ATL2: variants seen among roughly 807,000 people sequenced by gnomAD.
ATL2 encodes the protein atlastin-2.
ATL2 carries 31 observed loss-of-function variants against 73.9 expected under a neutral mutation model. The observed-to-expected ratio is 0.42, with a 90% CI of 0.32 to 0.57. ATL2 has a LOEUF of 0.57. Ranked by LOEUF, ATL2 falls within the 20% of genes least tolerant of loss-of-function variation. The pLI, the probability that ATL2 is intolerant of heterozygous loss-of-function variation, is 0.14. For missense variants in ATL2, 738 were observed against 702.6 expected, an observed-to-expected ratio of 1.05 and a Z score of -0.57; for synonymous variants, 291 against 237.5, an observed-to-expected ratio of 1.23 and a Z score of -2.07.
At chr2:38,308,759 A>C (rs927990791) in intron 9 of ATL2, among the ~76,000 whole-genome samples, 1 of 152,164 alleles carries the variant, frequency 6.6e-6, no homozygotes, top group East Asian at 1.9e-4. Flanking sequence ...TTAAAAATTA[A>C]AAGTAAAAAT....
chr2:38,325,645 C>T (rs1668565963), intron 2 of ATL2, among the ~76,000 whole-genome samples: 1 of 80,542 alleles, frequency 1.2e-5, no homozygotes, highest in Admixed American at 1.1e-4. Context: ...CACACACACA[C>T]ACACACACAC....
chr2:38,295,437 A>G lies in ATL2; in HGVS notation c.*557T>C, dbSNP rs1363777017. The G allele has an allele frequency of 2.6e-5, 4 of 152,268 alleles. No homozygotes were observed. The highest frequency in any genetic ancestry group is 9.6e-5 in the African/African-American group (4 of 41,476). 9.4% of individuals were successfully genotyped at this position (152,268 alleles called of 1,614,324 possible). The stretch of plus-strand genomic sequence containing the variant: ...AAAAGGCAAGACAAATGTACACCTC[A>G]GAATTACTTTCTTAGCTACAAGAGT... On this transcript the variant is annotated 3_prime_UTR_variant, in exon 13 of 13. Coordinates refer to ENST00000378954, the MANE Select transcript of ATL2 (RefSeq NM_001135673.4).
At chr2:38,355,956 C>T (rs1041655815) in intron 1 of ATL2, among the ~76,000 whole-genome samples, 7 of 151,904 alleles carry the variant, frequency 4.6e-5, no homozygotes, top group Non-Finnish European at 1.0e-4. Flanking sequence ...CTCGCCCTCC[C>T]AAAGTGCTGG....
Position 38,298,575 on chromosome 2 carries a change from C to G in ATL2, c.1201G>C (p.Val401Leu). The G allele has an allele frequency of 2.5e-6, 4 of 1,609,866 alleles. No individual in the cohort carries two copies. Among genetic ancestry groups the G allele is most frequent in the Non-Finnish European group, 2.5e-6 (3 of 1,177,810 alleles). Residue 401 changes from valine (V) to leucine (L), a missense_variant and splice_region_variant, in exon 12 of 13, where the codon GTA becomes CTA. Coordinates refer to ENST00000378954, the MANE Select transcript of ATL2 (RefSeq NM_001135673.4). ...RDTYCKSMEQVCGGDKPYIAP... is the reference protein window; with the variant it reads ...RDTYCKSMEQLCGGDKPYIAP... ...ATGTAAGGCTTGTCCCCTCCACATACCTGGACAGACAGAATTACAGTATTA... is the reference window on the plus strand; with the variant it reads ...ATGTAAGGCTTGTCCCCTCCACATAGCTGGACAGACAGAATTACAGTATTA...
chr2:38,331,028 C>A (rs753549984), intron 2 of ATL2, among the ~76,000 whole-genome samples: 1 of 152,124 alleles, frequency 6.6e-6, no homozygotes, highest in Admixed American at 6.6e-5. Context: ...CATGGCCGGG[C>A]GTGGTGGCTC....
In ATL2 at chr2:38,326,266, G is replaced by C. The variant is rs71439204; in HGVS notation, c.364-7247C>G. On this transcript the variant is annotated intron_variant, in intron 2 of 12. Coordinates refer to ENST00000378954, the MANE Select transcript of ATL2 (RefSeq NM_001135673.4). ...CCCAAAGACAGTGAGAGAATAAGGA[G>C]AAACTGAAGCCTCTAGGACCTGCAG... Among the ~76,000 whole-genome samples, 408 of 152,226 alleles carry C rather than the reference G, an allele frequency of 2.7e-3. 2 individuals are homozygous for C. The highest frequency in any genetic ancestry group is 4.5e-3 in the Non-Finnish European group (308 of 68,018).
intron 2 of ATL2, among the ~76,000 whole-genome samples, chr2:38,325,699 TACACACACACACACACACACAC>T (rs1221635411): frequency 2.2e-3 from 25 of 11,316 alleles, no homozygotes; most frequent in Non-Finnish European, 3.3e-3. Context: ...CACACACCAG[TACACACACACACACACACACAC>T]ACACACACAC....
chr2:38,363,934 C>CT (rs1671156710), intron 1 of ATL2, among the ~76,000 whole-genome samples: 2 of 152,174 alleles, frequency 1.3e-5, no homozygotes, highest in Non-Finnish European at 2.9e-5. Context: ...GGCTGCACCT[C>CT]TTAAGCCCTG....
chr2:38,317,802 T>TAA (rs5830529), intron 4 of ATL2, among the ~76,000 whole-genome samples: 23 of 150,036 alleles, frequency 1.5e-4, no homozygotes, highest in African/African-American at 2.7e-4. Flanking sequence ...TCTTTTCCTT[T>TAA]AAAAAAAAAA....
chr2:38,336,015 CTAAATACA>C (rs932608838), intron 2 of ATL2, among the ~76,000 whole-genome samples: 6 of 152,132 alleles, frequency 3.9e-5, no homozygotes, highest in East Asian at 1.9e-4. Flanking sequence ...GACTCTGTCT[CTAAATACA>C]TAAATACATA....
chr2:38,321,313 C>A (rs1036734885), intron 2 of ATL2, among the ~76,000 whole-genome samples: 1 of 152,140 alleles, frequency 6.6e-6, no homozygotes, highest in Non-Finnish European at 1.5e-5. Flanking sequence ...CAATTACAAA[C>A]TTCTCTTGGA....
intron 11 of ATL2, 26 bp downstream of exon 11, chr2:38,299,230 A>G (rs374191627): frequency 7.4e-6 from 11 of 1,492,938 alleles, no homozygotes; most frequent in Non-Finnish European, 9.7e-6. Flanking sequence ...TCACTCCAGC[A>G]TCAAATTTAA....
chr2:38,330,653 T>C (rs548325831), intron 2 of ATL2, among the ~76,000 whole-genome samples: 9 of 152,316 alleles, frequency 5.9e-5, no homozygotes, highest in Middle Eastern at 3.4e-3. Flanking sequence ...ATTCCATTCA[T>C]AGTAACATCA....
chr2:38,345,406 A>T (rs1338673818), intron 1 of ATL2, among the ~76,000 whole-genome samples: 1 of 152,236 alleles, frequency 6.6e-6, no homozygotes, highest in African/African-American at 2.4e-5. Context: ...CATCTCACTT[A>T]TCTGATTTGC....
chr2:38,348,423 G>A (rs978859543), intron 1 of ATL2, among the ~76,000 whole-genome samples: 7 of 151,226 alleles, frequency 4.6e-5, no homozygotes, highest in South Asian at 2.1e-4. Context: ...CCAAGATTGC[G>A]CCATTGCACT....
At chr2:38,296,218 C>T (rs1406268393) in intron 12 of ATL2, 105 bp from the exon 13 acceptor site, 1 of 1,426,602 alleles carries the variant, frequency 7.0e-7, no homozygotes, top group Admixed American at 2.8e-5. Context: ...ATGAAAATAA[C>T]CAGGAATATG....
rs1232344439 is a variant in ATL2, at chr2:38,343,163, A to G, written c.363+105T>C. 16 of 635,774 alleles carry G rather than the reference A, an allele frequency of 2.5e-5. No homozygotes were observed. In the Admixed American group the frequency reaches 7.1e-4, roughly 28 times the overall value. The allele number at this position is 635,774 out of a possible 1,614,324, so 39.4% of individuals were successfully genotyped here. A position where few individuals can be genotyped will look rare whatever the true frequency, so the allele number is the denominator to read the frequency against. ...ACCACTTAAATTAAAAAAAAAAAAA[A>G]AAAAAAAAAAAAAAAGATATAGTTC... On this transcript the variant is annotated intron_variant, in intron 2 of 12. Transcript: ENST00000378954.
At chr2:38,351,755 AG>A (rs1237272626) in intron 1 of ATL2, among the ~76,000 whole-genome samples, 1 of 151,824 alleles carries the variant, frequency 6.6e-6, no homozygotes, top group East Asian at 1.9e-4. Flanking sequence ...CGCCTCCCAA[AG>A]TGCTGGGATT....
intron 2 of ATL2, among the ~76,000 whole-genome samples, chr2:38,321,319 T>C (rs1043669943): frequency 6.6e-6 from 1 of 152,180 alleles, no homozygotes; most frequent in African/African-American, 2.4e-5. Flanking sequence ...CAAACTTCTC[T>C]TGGATTCATT....
Sources: gnomAD v4.1 joint callset for allele counts (sites outside exome capture counted in the v4.1 genomes callset) on GRCh38, gnomAD v4.1.1 for gene constraint, MANE v1.5 for transcripts, NCBI Gene and HGNC (gene_info 2026-07-23, HGNC 2026-07-21) for gene names.